CPNE8: variants seen among roughly 807,000 people sequenced by gnomAD.
The protein encoded by CPNE8 is copine-8.
In CPNE8, 45 loss-of-function variants were observed where a neutral mutation model predicts 81.5. That is an observed-to-expected ratio of 0.55 (90% CI 0.44 to 0.71). The LOEUF (loss-of-function observed/expected upper bound fraction) is 0.71. CPNE8 is among the 30% of genes least tolerant of loss of function. CPNE8 has a pLI of 0.00. For synonymous variants in CPNE8, 252 were observed against 226.3 expected, an observed-to-expected ratio of 1.11 and a Z score of -1.02; for missense variants, 594 against 672.1, an observed-to-expected ratio of 0.88 and a Z score of 1.28.
intron 7 of CPNE8, among the ~76,000 whole-genome samples, chr12:38,770,011 T>C (rs1941769221): frequency 6.6e-6 from 1 of 152,232 alleles, no homozygotes; most frequent in Admixed American, 6.5e-5. Flanking sequence ...AAAGTATTTA[T>C]ATACTTTTAG....
intron 15 of CPNE8, among the ~76,000 whole-genome samples, chr12:38,692,361 T>C (rs1939697163): frequency 6.6e-6 from 1 of 152,006 alleles, no homozygotes; most frequent in African/African-American, 2.4e-5. Context: ...GAATACAGGT[T>C]GAGTATCCCT....
At chr12:38,796,630 G>A (rs1255175647) in intron 6 of CPNE8, among the ~76,000 whole-genome samples, 1 of 152,130 alleles carries the variant, frequency 6.6e-6, no homozygotes, top group East Asian at 1.9e-4. Flanking sequence ...CAGAAGACGG[G>A]GGATTTCTGC....
intron 6 of CPNE8, among the ~76,000 whole-genome samples, chr12:38,785,851 A>G (rs538319214): frequency 6.6e-6 from 1 of 152,312 alleles, no homozygotes; most frequent in East Asian, 1.9e-4. Context: ...GGCTGAAATA[A>G]TGAGTTATAA....
At chr12:38,740,426 C>T (rs1941070249) in intron 10 of CPNE8, among the ~76,000 whole-genome samples, 1 of 152,138 alleles carries the variant, frequency 6.6e-6, no homozygotes, top group African/African-American at 2.4e-5. Context: ...ACTTCCAACA[C>T]TATGTTGAAT....
chr12:38,735,333 T>G (rs549567975), intron 10 of CPNE8, among the ~76,000 whole-genome samples: 1 of 152,138 alleles, frequency 6.6e-6, no homozygotes, highest in African/African-American at 2.4e-5. Context: ...TTTTTACTGT[T>G]TAAACAGTAA....
rs1297841461 is a variant in CPNE8, at chr12:38,652,935, C to T, written c.*947G>A. ...GTGGAATGGTGATAACAAGAAATTC[C>T]GATCAAGAGAGCCAGTATCCCTTTG... On this transcript the variant is annotated 3_prime_UTR_variant, in exon 20 of 20. Coordinates refer to ENST00000331366, the MANE Select transcript of CPNE8 (RefSeq NM_153634.3). 6.6e-6 allele frequency: 1 copy of T among 152,524 alleles called. No individual in the cohort carries two copies. The allele number at this position is 152,524 out of a possible 1,614,324, so 9.4% of individuals were successfully genotyped here.
intron 19 of CPNE8, among the ~76,000 whole-genome samples, chr12:38,661,920 C>T (rs189001724): frequency 2.2e-4 from 33 of 149,996 alleles, no homozygotes; most frequent in African/African-American, 6.8e-4. Context: ...CACATGATCT[C>T]GATAGATGCA....
At chr12:38,704,826 G>GTATATATATGTATATATATATATATA in intron 13 of CPNE8, among the ~76,000 whole-genome samples, 1 of 50,196 alleles carries the variant, frequency 2.0e-5, no homozygotes, top group Admixed American at 2.9e-4. Context: ...GTATGTATGT[G>GTATATATATGTATATATATATATATA]TATATATATA....
chr12:38,827,863 T>C (rs993101553), intron 6 of CPNE8, among the ~76,000 whole-genome samples: 4 of 152,142 alleles, frequency 2.6e-5, no homozygotes, highest in Non-Finnish European at 5.9e-5. Flanking sequence ...AAACTACCTA[T>C]GGGGTACTAT....
At chr12:38,725,157 C>T (rs979660685) in intron 11 of CPNE8, among the ~76,000 whole-genome samples, 5 of 152,128 alleles carry the variant, frequency 3.3e-5, no homozygotes, top group South Asian at 2.1e-4. Context: ...ACTATGGTCA[C>T]GTTCTTGATA....
intron 10 of CPNE8, among the ~76,000 whole-genome samples, chr12:38,745,918 G>A (rs1941215891): frequency 6.6e-6 from 1 of 152,078 alleles, no homozygotes; most frequent in Non-Finnish European, 1.5e-5. Flanking sequence ...CCGACCTGGA[G>A]AGTTTTTTCA....
At chr12:38,866,463 A>G (rs559595143) in intron 3 of CPNE8, among the ~76,000 whole-genome samples, 119 of 152,336 alleles carry the variant, frequency 7.8e-4, no homozygotes, top group Non-Finnish European at 1.4e-3. Flanking sequence ...AGCAACAGTT[A>G]TGGCCTAAAA....
At chr12:38,724,501 G>A (rs909591739) in intron 12 of CPNE8, among the ~76,000 whole-genome samples, 2 of 152,064 alleles carry the variant, frequency 1.3e-5, no homozygotes, top group Admixed American at 1.3e-4. Context: ...CCTATAAAGA[G>A]TATAGTATTT....
Position 38,776,254 on chromosome 12 carries a change from T to C in CPNE8, c.455A>G (p.Glu152Gly). Residue 152 changes from glutamate (E) to glycine (G), a missense_variant, in exon 7 of 20, where the codon GAA becomes GGA. Glu to Gly is a moderately conservative substitution (Grantham distance 98). Transcript: ENST00000331366. ...KCGTIILTAE[E>G]LNCCRDAVLM... ...TTTACTTACCCTGCAACAGTTTAATTCCTCTGCTGTAAGTATGATTGTACC... is the reference window on the plus strand; with the variant it reads ...TTTACTTACCCTGCAACAGTTTAATCCCTCTGCTGTAAGTATGATTGTACC... The C allele has an allele frequency of 6.4e-7, 1 of 1,553,110 alleles. No homozygotes were observed.
At chr12:38,858,741 C>A (rs1479479852) in intron 3 of CPNE8, among the ~76,000 whole-genome samples, 1 of 152,114 alleles carries the variant, frequency 6.6e-6, no homozygotes, top group African/African-American at 2.4e-5. Context: ...GGAGTTGAGT[C>A]CCAACTTCCA....
At chr12:38,848,802 C>T (rs1565647096) in intron 3 of CPNE8, 140 bp from the exon 4 acceptor site, 1 of 1,133,716 alleles carries the variant, frequency 8.8e-7, no homozygotes, top group Non-Finnish European at 1.2e-6. Context: ...ATAAAATCAC[C>T]TCTCTTATTT....
chr12:38,811,163 C>T (rs1942927286), intron 6 of CPNE8, among the ~76,000 whole-genome samples: 1 of 152,038 alleles, frequency 6.6e-6, no homozygotes, highest in Non-Finnish European at 1.5e-5. Flanking sequence ...CGTAATCTCA[C>T]AATTCCATTC....
At chr12:38,667,572 T>G (rs1311276200) in intron 19 of CPNE8, among the ~76,000 whole-genome samples, 1 of 152,196 alleles carries the variant, frequency 6.6e-6, no homozygotes, top group Non-Finnish European at 1.5e-5. Flanking sequence ...TCTAACTCAA[T>G]GCAGGAATGT....
intron 3 of CPNE8, among the ~76,000 whole-genome samples, chr12:38,866,916 T>C (rs189130392): frequency 6.6e-6 from 1 of 152,148 alleles, no homozygotes; most frequent in Non-Finnish European, 1.5e-5. Context: ...TGGAGTGCAA[T>C]GGCGGGATCT....
Sources: allele counts gnomAD v4.1 joint callset (sites outside exome capture counted in the v4.1 genomes callset), GRCh38; gene constraint gnomAD v4.1.1; transcripts MANE v1.5; gene names NCBI Gene and HGNC (gene_info 2026-07-23, HGNC 2026-07-21).